The following CLCNKA variants were observed in gnomAD, a reference collection of about 807,000 sequenced individuals.
CLCNKA encodes chloride voltage-gated channel Ka.
A neutral mutation model predicts 83.3 loss-of-function variants in CLCNKA; 66 were observed. That is an observed-to-expected ratio of 0.79 (90% confidence interval 0.65 to 0.97). The LOEUF (loss-of-function observed/expected upper bound fraction) is 0.97. Among genes scored for constraint, CLCNKA ranks in the 50% least tolerant of loss-of-function variants. CLCNKA has a pLI of 0.00. For missense variants in CLCNKA, 806 were observed against 888.7 expected (o/e 0.91, Z 1.18); for synonymous variants, 357 against 370.4 (o/e 0.96, Z 0.42).
At chr1:16,033,322 A>T in intron 19 of CLCNKA, 66 bp downstream of exon 19, 12 of 1,512,338 alleles carry the variant, frequency 7.9e-6, no homozygotes, top group Non-Finnish European at 1.1e-5. Context: ...GGAGATGGGG[A>T]GGTGGGGGGA....
At chr1:16,030,372 C>A in intron 14 of CLCNKA, 89 bp from the exon 15 acceptor site, 1 of 1,518,794 alleles carries the variant, frequency 6.6e-7, no homozygotes, top group Non-Finnish European at 9.1e-7. Flanking sequence ...CACCCTAGCC[C>A]CCGGCAGCAG....
chr1:16,027,569 C>A, intron 8 of CLCNKA, 134 bp downstream of exon 8: 1 of 1,505,236 alleles, frequency 6.6e-7, no homozygotes, highest in Non-Finnish European at 9.0e-7. Context: ...GTGTTCCCAC[C>A]TCCTTCAGGG....
At chr1:16,029,641 G>T (rs2022529553) in intron 12 of CLCNKA, 90 bp from the exon 13 acceptor site, 3 of 1,518,628 alleles carry the variant, frequency 2.0e-6, no homozygotes, top group South Asian at 1.1e-5. Flanking sequence ...TTTCTATCTA[G>T]GACACTCCCC....
rs938020270 is a variant in CLCNKA, at chr1:16,030,441, G to A, written c.1409-20G>A. Reference sequence around the variant, plus strand: ...CCTGCCTCCTGGCCTGAGCCGACCTGTGTGGCTCTGCCCCGGCAGGGGCTG... The same window carrying A: ...CCTGCCTCCTGGCCTGAGCCGACCTATGTGGCTCTGCCCCGGCAGGGGCTG... On this transcript the variant is annotated intron_variant, in intron 14 of 19. Transcript: ENST00000331433. 2 of 1,611,896 alleles carry A rather than the reference G, an allele frequency of 1.2e-6. No homozygotes were observed. Among genetic ancestry groups the A allele is most frequent in the African/African-American group, 2.7e-5 (2 of 74,924 alleles).
At chr1:16,030,365 C>T (rs1475878919) in intron 14 of CLCNKA, 96 bp from the exon 15 acceptor site, 8 of 1,481,808 alleles carry the variant, frequency 5.4e-6, no homozygotes, top group Non-Finnish European at 7.5e-6. Context: ...CAATTCCCAC[C>T]CTAGCCCCCG....
In CLCNKA at chr1:16,024,749, G is replaced by C. The variant is rs374944585; in HGVS notation, c.230-14G>C. The C allele has an allele frequency of 1.3e-4, 212 of 1,613,790 alleles. No individual in the cohort carries two copies. Among genetic ancestry groups the C allele is most frequent in the African/African-American group, 2.5e-4 (19 of 75,054 alleles). On this transcript the variant is annotated splice_polypyrimidine_tract_variant and intron_variant, in intron 3 of 19. Transcript: ENST00000331433. ...GAGGCTGTGGGTGCCTCCCTGATAC[G>C]CGGCTGTCCCCAGCACACCAGTGGC...
intron 3 of CLCNKA, among the ~76,000 whole-genome samples, chr1:16,024,196 C>G (rs556558932): frequency 6.6e-6 from 1 of 152,236 alleles, no homozygotes; most frequent in South Asian, 2.1e-4. Flanking sequence ...CCAGCCACCC[C>G]GTTCCTTCTC....
At position 16,033,168 on chromosome 1, in the gene CLCNKA, A is replaced by G; in HGVS notation, c.1930-2A>G. 3 of 1,614,106 alleles carry G rather than the reference A, an allele frequency of 1.9e-6. No individual in the cohort carries two copies. Among genetic ancestry groups the G allele is most frequent in the South Asian group, 1.1e-5 (1 of 91,080 alleles). On this transcript the variant is annotated splice_acceptor_variant, in intron 18 of 19. Transcript: ENST00000331433. LOFTEE classifies it high-confidence loss of function. ...AGTGTTTCCTAACAATCCCCCATCC[A>G]GGCACAAAACCTCTTTAAGCTGTTG...
At chr1:16,028,185 G>C in intron 10 of CLCNKA, 66 bp downstream of exon 10, 1 of 1,466,938 alleles carries the variant, frequency 6.8e-7, no homozygotes, top group Non-Finnish European at 9.5e-7. Flanking sequence ...ACCTTATGTA[G>C]AAAGCCCCAC....
intron 14 of CLCNKA, 24 bp downstream of exon 14, chr1:16,030,099 G>T (rs372612344): frequency 1.3e-6 from 2 of 1,533,134 alleles, no homozygotes; most frequent in Non-Finnish European, 1.8e-6. Context: ...GGCCCTGCTG[G>T]GTGGGCAATG....
At chr1:16,031,514 G>A (rs1169278522) in intron 15 of CLCNKA, among the ~76,000 whole-genome samples, 196 bp from the exon 16 acceptor site, 1 of 152,160 alleles carries the variant, frequency 6.6e-6, no homozygotes, top group African/African-American at 2.4e-5. Context: ...TTGGAACTGG[G>A]CCATCAGTAA....
chr1:16,033,354 A>C, intron 19 of CLCNKA, 98 bp downstream of exon 19: 1 of 1,334,556 alleles, frequency 7.5e-7, no homozygotes, highest in Non-Finnish European at 1.1e-6. Flanking sequence ...TCCCATCCAA[A>C]CCTGGGGGGA....
intron 12 of CLCNKA, 114 bp downstream of exon 12, chr1:16,029,413 C>T: frequency 6.7e-7 from 1 of 1,488,916 alleles, no homozygotes; most frequent in Non-Finnish European, 9.2e-7. Flanking sequence ...ACCCACACTT[C>T]CTTCTGTGCC....
Position 16,033,210 on chromosome 1 carries a change from T to C in CLCNKA, c.1970T>C (p.Phe657Ser), listed in dbSNP as rs1208757094. ...AAGCTGTTGAACCTTCAGTCCCTCTTCGTGACATCGCGGGGCAGAGCTGTG... is the reference window on the plus strand; with the variant it reads ...AAGCTGTTGAACCTTCAGTCCCTCTCCGTGACATCGCGGGGCAGAGCTGTG... The part of the protein sequence containing the change: ...LFKLLNLQSL[F>S]VTSRGRAVGC... Residue 657 changes from phenylalanine to serine, a missense_variant, in exon 19 of 20, where the codon TTC becomes TCC. Physicochemically the swap from Phe to Ser is radical, Grantham distance 155. Transcript: ENST00000331433. 3 of 1,614,102 alleles carry C rather than the reference T, an allele frequency of 1.9e-6. No homozygotes were observed. Among genetic ancestry groups the C allele is most frequent in the South Asian group, 1.1e-5 (1 of 91,078 alleles).
chr1:16,033,718 G>A lies in CLCNKA; in HGVS notation c.*60G>A. The A allele has an allele frequency of 1.3e-6, 2 of 1,556,788 alleles. No individual in the cohort carries two copies. Among genetic ancestry groups the A allele is most frequent in the Non-Finnish European group, 1.8e-6 (2 of 1,130,184 alleles). On this transcript the variant is annotated 3_prime_UTR_variant, in exon 20 of 20. Transcript: ENST00000331433. ...TGACCTGGTACTGAGGTTGGGCTGA[G>A]ACCCTGCTTCTCTTCCCCCATCACC...
At chr1:16,029,338 C>T in intron 12 of CLCNKA, 39 bp downstream of exon 12, 1 of 1,613,392 alleles carries the variant, frequency 6.2e-7, no homozygotes, top group Non-Finnish European at 8.5e-7. Context: ...AGAGCCAGGA[C>T]CAGCTCTGGT....
rs371202740 is a variant in CLCNKA, at chr1:16,033,649, T to A, written c.2055T>A (p.Ala685=). 2.1e-6 allele frequency: 3 copies of A among 1,431,626 alleles called. No individual in the cohort carries two copies. The highest frequency in any genetic ancestry group is 2.3e-5 in the South Asian group (2 of 87,968). The allele number at this position is 1,431,626 out of a possible 1,614,324, so 88.7% of individuals were successfully genotyped here. ...KAISNLTNPP[A]PK is the part of the protein sequence containing the mutation. ...TTTCCAACCTGACAAATCCGCCAGC[T>A]CCAAAGTGAGCCGGCCCAGCAAGAT... Residue 685 remains alanine (A), a synonymous_variant, in exon 20 of 20, where the codon GCT becomes GCA. Transcript: ENST00000331433.
At chr1:16,031,313 A>G (rs1270134571) in intron 15 of CLCNKA, among the ~76,000 whole-genome samples, 1 of 152,202 alleles carries the variant, frequency 6.6e-6, no homozygotes, top group Non-Finnish European at 1.5e-5. Flanking sequence ...ACACTTTTAT[A>G]ATCAAATGGA....
rs780420896 is a variant in CLCNKA, at chr1:16,022,603, G to T, written c.-7-10G>T. The T allele has an allele frequency of 2.6e-6, 4 of 1,549,880 alleles. No individual in the cohort carries two copies. In the South Asian group the frequency reaches 3.6e-5, roughly 14 times the overall value. On this transcript the variant is annotated splice_polypyrimidine_tract_variant and intron_variant, in intron 1 of 19. Transcript: ENST00000331433. The stretch of plus-strand genomic sequence containing the variant: ...CTCACCCGGGTCCTTCCCTCCATCT[G>T]CTTCTCCAGGGGCCTGATGGAGGAG...
Sources: gnomAD v4.1 joint callset for allele counts (sites outside exome capture counted in the v4.1 genomes callset) on GRCh38, gnomAD v4.1.1 for gene constraint, MANE v1.5 for transcripts, NCBI Gene and HGNC (gene_info 2026-07-23, HGNC 2026-07-21) for gene names.